EDIL3: variants seen among roughly 807,000 people sequenced by gnomAD.
EDIL3 encodes EGF-like repeat and discoidin I-like domain-containing protein 3.
Under a neutral mutation model 67.4 loss-of-function variants are expected in EDIL3, and 37 were observed. That is an observed-to-expected ratio of 0.55 (90% confidence interval 0.42 to 0.72). EDIL3 has a LOEUF of 0.72. Ranked by LOEUF, EDIL3 falls within the 30% of genes least tolerant of loss-of-function variation. The pLI is 0.00. For synonymous variants in EDIL3, 195 were observed against 196.3 expected (o/e 0.99, Z 0.05); for missense variants, 527 against 586.3 (o/e 0.90, Z 1.04).
At chr5:84,185,398 T>C (rs2112362044) in intron 3 of EDIL3, among the ~76,000 whole-genome samples, 1 of 152,292 alleles carries the variant, frequency 6.6e-6, no homozygotes, top group East Asian at 1.9e-4. Context: ...GTGAGACTGA[T>C]GTTATGTGCC....
rs1746389647 is a variant in EDIL3 at position 84,311,538 on chromosome 5, T to A, written c.68-57326A>T. 2.0e-5 allele frequency among the ~76,000 whole-genome samples: 3 copies of A among 152,062 alleles called. No individual in the cohort carries two copies. The South Asian group carries it at 6.2e-4, about 32-fold the overall frequency. ...TGTAATCTGTATCTTAAACTGGTTA[T>A]GGGTAGTAGGGTGTCCAGTTTTTTT... On this transcript the variant is annotated intron_variant, in intron 1 of 10. Transcript: ENST00000296591.
rs373467547 is a variant in EDIL3, at chr5:84,066,881, C to T, written c.652-275G>A. ...AAAACATAAGTATAGAAAGCATCTG[C>T]GTTCTCACGATATGCAGATGTAACT... On this transcript the variant is annotated intron_variant, in intron 6 of 10. Coordinates refer to ENST00000296591, the MANE Select transcript of EDIL3 (RefSeq NM_005711.5). Among the ~76,000 whole-genome samples the T allele has an allele frequency of 3.3e-5, 5 of 152,256 alleles. No individual in the cohort carries two copies. In the South Asian group the frequency reaches 8.3e-4, roughly 25 times the overall value.
chr5:84,037,988 GT>G (rs67762520), intron 9 of EDIL3, among the ~76,000 whole-genome samples: 13,611 of 99,194 alleles, frequency 0.14, 255 homozygotes, highest in Admixed American at 0.17. Flanking sequence ...TTTCTTTCTT[GT>G]TTTTTTTTTT....
intron 9 of EDIL3, among the ~76,000 whole-genome samples, chr5:84,056,707 T>C (rs1429981909): frequency 6.6e-6 from 1 of 151,994 alleles, no homozygotes; most frequent in Admixed American, 6.6e-5. Flanking sequence ...TTTAAAAAAA[T>C]AGCAAGAGAT....
At chr5:83,961,642 AAT>A (rs1744609444) in intron 10 of EDIL3, among the ~76,000 whole-genome samples, 1 of 151,190 alleles carries the variant, frequency 6.6e-6, no homozygotes, top group Admixed American at 6.6e-5. Flanking sequence ...TCTTAAAATT[AAT>A]TTCAAGCCTG....
chr5:84,193,844 A>C (rs1048503311), intron 3 of EDIL3, among the ~76,000 whole-genome samples: 1 of 151,976 alleles, frequency 6.6e-6, no homozygotes, highest in Non-Finnish European at 1.5e-5. Flanking sequence ...GTTTTCTTGC[A>C]GAACCCAACA....
In EDIL3 at chr5:84,381,518, T is replaced by A. The variant is rs536118765; in HGVS notation, c.67+2790A>T. Among the ~76,000 whole-genome samples, 15 of 152,254 alleles carry A rather than the reference T, an allele frequency of 9.9e-5. 1 individual carries two copies. The highest frequency in any genetic ancestry group is 3.6e-4 in the African/African-American group (15 of 41,548). ...TGTATAAATGTAACTATACTAATCA[T>A]AAAAGGTTAGTGTTGTTATCTGGAG... On this transcript the variant is annotated intron_variant, in intron 1 of 10. Coordinates refer to ENST00000296591, the MANE Select transcript of EDIL3 (RefSeq NM_005711.5).
At chr5:84,027,692 G>A (rs1745840904) in intron 9 of EDIL3, among the ~76,000 whole-genome samples, 1 of 151,996 alleles carries the variant, frequency 6.6e-6, no homozygotes, top group South Asian at 2.1e-4. Context: ...GTAGCGAAGT[G>A]CTTATTATAC....
intron 1 of EDIL3, among the ~76,000 whole-genome samples, chr5:84,265,547 A>G (rs1042495959): frequency 2.2e-4 from 33 of 152,352 alleles, no homozygotes; most frequent in Middle Eastern, 3.4e-3. Flanking sequence ...TTTCATACAC[A>G]CCTTTTACAA....
At chr5:84,138,379 C>T (rs1748129965) in intron 4 of EDIL3, among the ~76,000 whole-genome samples, 1 of 152,188 alleles carries the variant, frequency 6.6e-6, no homozygotes, top group South Asian at 2.1e-4. Flanking sequence ...TGCCCTGTTC[C>T]TTGTATTCCT....
intron 3 of EDIL3, among the ~76,000 whole-genome samples, chr5:84,190,912 A>G (rs1743572900): frequency 6.6e-6 from 1 of 151,926 alleles, no homozygotes; most frequent in South Asian, 2.1e-4. Context: ...TGAAGAGCTA[A>G]ATATTTTGAT....
chr5:83,950,037 G>A (rs1237885280), intron 10 of EDIL3, among the ~76,000 whole-genome samples: 1 of 151,706 alleles, frequency 6.6e-6, no homozygotes, highest in Non-Finnish European at 1.5e-5. Flanking sequence ...GAATACCAAC[G>A]CTAAGGTGAG....
intron 1 of EDIL3, among the ~76,000 whole-genome samples, chr5:84,256,436 T>C (rs6878022): frequency 0.81 from 122,899 of 152,116 alleles, 50,032 homozygotes; most frequent in East Asian, 0.95. Context: ...GGAGACTCAG[T>C]GCTATCAGGT....
chr5:84,108,656 C>T (rs939402925), intron 5 of EDIL3, among the ~76,000 whole-genome samples: 6 of 152,134 alleles, frequency 3.9e-5, no homozygotes, highest in South Asian at 4.1e-4. Flanking sequence ...ACTTCATAAA[C>T]GTACTAAGAA....
At chr5:84,335,068 T>C (rs1318116968) in intron 1 of EDIL3, among the ~76,000 whole-genome samples, 1 of 152,198 alleles carries the variant, frequency 6.6e-6, no homozygotes, top group African/African-American at 2.4e-5. Flanking sequence ...TTTTCATTAC[T>C]GGTCTTAATT....
chr5:84,113,062 G>T (rs1747591895), intron 5 of EDIL3, among the ~76,000 whole-genome samples: 1 of 152,082 alleles, frequency 6.6e-6, no homozygotes, highest in Non-Finnish European at 1.5e-5. Context: ...ACTGATAGTG[G>T]TCTGTCTGGG....
At chr5:84,054,979 C>CA in intron 9 of EDIL3, among the ~76,000 whole-genome samples, 1 of 145,954 alleles carries the variant, frequency 6.9e-6, no homozygotes, top group Admixed American at 6.7e-5. Flanking sequence ...CATATGGAAC[C>CA]AAAAAATAGC....
chr5:84,064,763 A>C lies in EDIL3; in HGVS notation c.889T>G (p.Tyr297Asp). 1 of 1,613,930 alleles carries C rather than the reference A, an allele frequency of 6.2e-7. No homozygotes were observed. Among genetic ancestry groups the C allele is most frequent in the Non-Finnish European group, 8.5e-7 (1 of 1,179,832 alleles). The change falls in exon 8 of 11, where the codon TAT becomes GAT. Residue 297 changes from tyrosine to aspartate, a missense_variant. Transcript: ENST00000296591. Reference sequence around the variant, plus strand: ...CAATGTCTTCGACAAACTTGGGGATAGAGTCTTACATACTGAGCTTTTATG... The same window carrying C: ...CAATGTCTTCGACAAACTTGGGGATCGAGTCTTACATACTGAGCTTTTATG... ...PPIKAQYVRL[Y>D]PQVCRRHCTL...
At chr5:84,194,401 G>A (rs965587021) in intron 3 of EDIL3, among the ~76,000 whole-genome samples, 34 of 151,742 alleles carry the variant, frequency 2.2e-4, no homozygotes, top group Non-Finnish European at 1.8e-4. Flanking sequence ...AGAAAATCTC[G>A]ACAAAGATTT....
Sources: allele counts gnomAD v4.1 joint callset (sites outside exome capture counted in the v4.1 genomes callset), GRCh38; gene constraint gnomAD v4.1.1; transcripts MANE v1.5; gene names NCBI Gene and HGNC (gene_info 2026-07-23, HGNC 2026-07-21).